Variants in KIF26B observed in about 807,000 individuals in gnomAD.
KIF26B encodes kinesin-like protein KIF26B.
A neutral mutation model predicts 151.2 loss-of-function variants in KIF26B; 63 were observed. That is an observed-to-expected ratio of 0.42 (90% CI 0.34 to 0.51). KIF26B has a LOEUF of 0.51. KIF26B is among the 20% of genes least tolerant of loss of function. KIF26B has a pLI of 0.07. For synonymous variants in KIF26B, 1,357 were observed against 1,262.1 expected (o/e 1.08, Z -1.59); for missense variants, 2,813 against 2,913.6 (o/e 0.97, Z 0.79).
At chr1:245,232,353 G>T (rs975744104) in intron 2 of KIF26B, among the ~76,000 whole-genome samples, 2 of 152,182 alleles carry the variant, frequency 1.3e-5, no homozygotes, top group African/African-American at 4.8e-5. Flanking sequence ...GTGGAATTTG[G>T]TAAATTTTAT....
chr1:245,311,097 A>T (rs1431006658), intron 2 of KIF26B, among the ~76,000 whole-genome samples: 1 of 152,136 alleles, frequency 6.6e-6, no homozygotes, highest in Non-Finnish European at 1.5e-5. Context: ...TGGGGCAACA[A>T]AGCACACAGA....
intron 2 of KIF26B, among the ~76,000 whole-genome samples, chr1:245,181,146 C>CT (rs577108513): frequency 5.3e-5 from 8 of 151,906 alleles, no homozygotes; most frequent in Admixed American, 6.6e-5. Flanking sequence ...AATTCAAGCC[C>CT]TTTTTTTTCC....
chr1:245,349,854 C>G (rs1485960403), intron 2 of KIF26B, among the ~76,000 whole-genome samples: 1 of 152,120 alleles, frequency 6.6e-6, no homozygotes, highest in Non-Finnish European at 1.5e-5. Flanking sequence ...ATCTTTGTTT[C>G]AAGTATAATG....
chr1:245,171,780 C>G (rs1254815120), intron 2 of KIF26B, among the ~76,000 whole-genome samples: 1 of 152,158 alleles, frequency 6.6e-6, no homozygotes, highest in African/African-American at 2.4e-5. Context: ...GCCATCCCAT[C>G]AGGATTTGTA....
intron 2 of KIF26B, among the ~76,000 whole-genome samples, chr1:245,320,386 C>T (rs181244900): frequency 5.9e-5 from 9 of 152,332 alleles, no homozygotes; most frequent in Admixed American, 3.3e-4. Context: ...CCATGTGCCG[C>T]CTCTCGTTCT....
chr1:245,259,703 G>A (rs1439235656), intron 2 of KIF26B, among the ~76,000 whole-genome samples: 1 of 152,174 alleles, frequency 6.6e-6, no homozygotes, highest in African/African-American at 2.4e-5. Context: ...AGGTCAAGGT[G>A]GGCAGATCGC....
intron 2 of KIF26B, among the ~76,000 whole-genome samples, chr1:245,224,754 A>G (rs924842680): frequency 2.0e-5 from 3 of 152,192 alleles, no homozygotes; most frequent in Non-Finnish European, 4.4e-5. Flanking sequence ...TGTGTAGGAT[A>G]TTATACAGTT....
chr1:245,259,934 C>CAA (rs35913005), intron 2 of KIF26B, among the ~76,000 whole-genome samples: 904 of 71,722 alleles, frequency 0.013, 7 homozygotes, highest in African/African-American at 0.043. Flanking sequence ...GGTCCTGTCT[C>CAA]AAAAAAAAAA....
intron 4 of KIF26B, among the ~76,000 whole-genome samples, chr1:245,420,118 G>A (rs1238687637): frequency 1.3e-5 from 2 of 152,168 alleles, no homozygotes; most frequent in East Asian, 3.9e-4. Context: ...GGACTTTGTA[G>A]AGGCATCCCT....
intron 2 of KIF26B, among the ~76,000 whole-genome samples, chr1:245,290,193 GAATGA>G (rs368946551): frequency 0.59 from 89,546 of 151,858 alleles, 26,697 homozygotes; most frequent in Middle Eastern, 0.68. Flanking sequence ...ATGAATGAAT[GAATGA>G]ATGAATGAAT....
At chr1:245,321,023 C>T (rs1671877195) in intron 2 of KIF26B, among the ~76,000 whole-genome samples, 1 of 152,188 alleles carries the variant, frequency 6.6e-6, no homozygotes, top group Non-Finnish European at 1.5e-5. Context: ...AGTGACAGTT[C>T]ATCTCCTGAC....
At position 245,687,232 on chromosome 1, in the gene KIF26B, G is replaced by A. The variant is rs2044540620; in HGVS notation, c.4249G>A (p.Gly1417Ser). Residue 1417 changes from glycine (G) to serine (S), a missense_variant, in exon 12 of 15, where the codon GGC becomes AGC. Coordinates refer to ENST00000407071, the MANE Select transcript of KIF26B (RefSeq NM_018012.4). The surrounding 1 kb of genome is among the most constrained non-coding windows in gnomAD (Gnocchi z 4.9). Reference protein sequence around the residue: ...PEAPTATPKAGPTLAQSRESK... With the variant: ...PEAPTATPKASPTLAQSRESK... ...GGCCCCCACCGCCACCCCCAAAGCA[G>A]GCCCCACATTAGCCCAGTCCCGGGA... The A allele has an allele frequency of 1.2e-6, 2 of 1,612,790 alleles. No individual in the cohort carries two copies. Among genetic ancestry groups the A allele is most frequent in the Non-Finnish European group, 1.7e-6 (2 of 1,179,682 alleles).
chr1:245,322,240 A>T (rs925588948), intron 2 of KIF26B, among the ~76,000 whole-genome samples: 1 of 152,038 alleles, frequency 6.6e-6, no homozygotes, highest in African/African-American at 2.4e-5. Flanking sequence ...GGATAAGGGG[A>T]GGGAGAGCAT....
chr1:245,592,975 G>A (rs1297263971), intron 5 of KIF26B, among the ~76,000 whole-genome samples: 3 of 152,022 alleles, frequency 2.0e-5, no homozygotes, highest in Non-Finnish European at 2.9e-5. Flanking sequence ...TGGATTTCCT[G>A]GCATTGGAGT....
intron 2 of KIF26B, among the ~76,000 whole-genome samples, chr1:245,279,467 G>A (rs189022653): frequency 7.8e-4 from 118 of 151,624 alleles, no homozygotes; most frequent in African/African-American, 2.7e-3. Context: ...ACTATCACAC[G>A]GGGCTAATTT....
Position 245,687,104 on chromosome 1 carries a change from A to G in KIF26B, c.4121A>G (p.Asn1374Ser), listed in dbSNP as rs745604059. 6.2e-7 allele frequency: 1 copy of G among 1,613,450 alleles called. No individual in the cohort carries two copies. The highest frequency in any genetic ancestry group is 8.5e-7 in the Non-Finnish European group (1 of 1,179,846). ...TVSKAMVTISNTANLSSCEGY... is the reference protein window; with the variant it reads ...TVSKAMVTISSTANLSSCEGY... ...AGCAAGGCCATGGTCACCATCTCCAACACGGCCAATCTGAGCAGCTGCGAG... is the reference window on the plus strand; with the variant it reads ...AGCAAGGCCATGGTCACCATCTCCAGCACGGCCAATCTGAGCAGCTGCGAG... Residue 1374 changes from asparagine to serine, a missense_variant, in exon 12 of 15, where the codon AAC becomes AGC. Asn to Ser is a conservative substitution (Grantham distance 46). This residue lies in a region of KIF26B where 2,060 missense variants were observed against 2,088.6 expected (regional missense o/e 0.99). Coordinates refer to ENST00000407071, the MANE Select transcript of KIF26B (RefSeq NM_018012.4). This position sits in a 1 kb window ranked among gnomAD's most constrained non-coding sequence, Gnocchi z 4.9.
intron 3 of KIF26B, among the ~76,000 whole-genome samples, chr1:245,406,247 C>T (rs1401965313): frequency 6.6e-6 from 1 of 152,158 alleles, no homozygotes; most frequent in Non-Finnish European, 1.5e-5. Flanking sequence ...GTTGCTCCCA[C>T]CAAGCCAGGC....
chr1:245,509,424 T>C (rs904714700), intron 4 of KIF26B, among the ~76,000 whole-genome samples: 4 of 152,194 alleles, frequency 2.6e-5, no homozygotes, highest in Non-Finnish European at 5.9e-5. Context: ...ATAGCACGTG[T>C]AGTGATTCTT....
intron 3 of KIF26B, among the ~76,000 whole-genome samples, chr1:245,386,801 T>G (rs980997337): frequency 5.3e-5 from 8 of 152,226 alleles, no homozygotes; most frequent in African/African-American, 4.8e-5. Flanking sequence ...CAGTGCAGCA[T>G]AAAATATTGA....
Sources: allele counts gnomAD v4.1 joint callset (sites outside exome capture counted in the v4.1 genomes callset), GRCh38; gene constraint gnomAD v4.1.1; regional missense constraint gnomAD v4.1.1; non-coding constraint Gnocchi (gnomAD v3.1); transcripts MANE v1.5; gene names NCBI Gene and HGNC (gene_info 2026-07-23, HGNC 2026-07-21).